Variants in EBF4 observed in about 807,000 individuals in gnomAD.
EBF4 encodes the protein transcription factor COE4.
In EBF4, 34 loss-of-function variants were observed where a neutral mutation model predicts 67.1. The ratio of observed to expected loss-of-function variants is 0.51; its 90% CI spans 0.39 to 0.67. The LOEUF (loss-of-function observed/expected upper bound fraction) is 0.67, where lower values mean the gene tolerates loss of function less well. EBF4 is among the 30% of genes least tolerant of loss of function. The pLI, the probability that EBF4 is intolerant of heterozygous loss-of-function variation, is 0.00. For missense variants in EBF4, 837 were observed against 873.3 expected (o/e 0.96, Z 0.52); for synonymous variants, 387 against 377.7 (o/e 1.02, Z -0.29).
rs915224155 is a variant in EBF4, at chr20:2,708,133, C to T, written c.488+113C>T. On this transcript the variant is annotated intron_variant, in intron 5 of 16. Coordinates refer to ENST00000609451, the Ensembl canonical transcript of EBF4. ...CCCCTGGCTGCTCTCTGCTGCTGCT[C>T]CCTGGAGAAGCCTGGTGGCAGGTGA... 1.2e-5 allele frequency: 13 copies of T among 1,112,004 alleles called. No homozygotes were observed. In the Admixed American group the frequency reaches 1.5e-4, roughly 13 times the overall value. The allele number at this position is 1,112,004 out of a possible 1,614,324, so 68.9% of individuals were successfully genotyped here. A position where few individuals can be genotyped will look rare whatever the true frequency, so the allele number is the denominator to read the frequency against.
At chr20:2,748,168 A>G (rs1029053596) in intron 6 of EBF4, among the ~76,000 whole-genome samples, 2 of 152,172 alleles carry the variant, frequency 1.3e-5, no homozygotes, top group African/African-American at 4.8e-5. Context: ...CGGAGCATAT[A>G]TTGTATGTGT....
chr20:2,752,977 T>A (rs2088180978), intron 14 of EBF4, among the ~76,000 whole-genome samples: 1 of 152,132 alleles, frequency 6.6e-6, no homozygotes, highest in Admixed American at 6.5e-5. Context: ...GAAGCCGGCT[T>A]CCAGCCGCCC....
intron 1 of EBF4, among the ~76,000 whole-genome samples, chr20:2,699,661 G>A (rs935843573): frequency 6.6e-6 from 1 of 152,230 alleles, no homozygotes; most frequent in African/African-American, 2.4e-5. Context: ...AGTGGTTAAT[G>A]TGGCTGATTT....
At chr20:2,711,204 G>A (rs2087540936) in intron 6 of EBF4, among the ~76,000 whole-genome samples, 1 of 150,662 alleles carries the variant, frequency 6.6e-6, no homozygotes, top group South Asian at 2.1e-4. Context: ...TTAAAATGGT[G>A]GCAGGAAGCA....
intron 16 of EBF4, 26 bp from the exon 17 acceptor site, chr20:2,759,242 C>T: frequency 1.8e-6 from 1 of 540,564 alleles, no homozygotes; most frequent in Non-Finnish European, 3.3e-6. Context: ...CCCCGACCTT[C>T]TTCTCTCCCT....
chr20:2,697,475 G>A (rs2087311019), intron 1 of EBF4, among the ~76,000 whole-genome samples: 1 of 151,898 alleles, frequency 6.6e-6, no homozygotes, highest in Non-Finnish European at 1.5e-5. Context: ...AACCCGGGAG[G>A]CGGAGCTTGC....
intron 14 of EBF4, among the ~76,000 whole-genome samples, 158 bp downstream of exon 14, chr20:2,752,703 C>G (rs539259089): frequency 1.3e-5 from 2 of 152,210 alleles, no homozygotes; most frequent in Non-Finnish European, 2.9e-5. Context: ...CGCCTGGGAC[C>G]TCCCCTGCCG....
rs766269461 is a variant in EBF4 at position 2,751,797 on chromosome 20, A to AGGGGG, written c.1107+13_1107+14insGGGGG. The AGGGGG allele has an allele frequency of 1.8e-6, 1 of 553,386 alleles. No individual in the cohort carries two copies. The highest frequency in any genetic ancestry group is 2.1e-5 in the African/African-American group (1 of 46,712). The allele number at this position is 553,386 out of a possible 1,614,324, so 34.3% of individuals were successfully genotyped here. A position where few individuals can be genotyped will look rare whatever the true frequency, so the allele number is the denominator to read the frequency against. On this transcript the variant is annotated intron_variant, in intron 11 of 16. Coordinates refer to ENST00000609451, the Ensembl canonical transcript of EBF4. The surrounding 1 kb of genome is among the most constrained non-coding windows in gnomAD (Gnocchi z 5.2). The stretch of plus-strand genomic sequence containing the variant: ...CCGAGAGGCTGCCCAAGGTACTCAG[A>AGGGGG]GGGGCGGGGCGGGGCGGGGCTGAGG...
At chr20:2,752,689 T>G in intron 14 of EBF4, 144 bp downstream of exon 14, 1 of 699,778 alleles carries the variant, frequency 1.4e-6, no homozygotes, top group Non-Finnish European at 2.0e-6. Flanking sequence ...AGGCCCACCG[T>G]CCCCGCCTGG....
At chr20:2,744,205 C>A (rs545468579) in intron 6 of EBF4, among the ~76,000 whole-genome samples, 2 of 151,636 alleles carry the variant, frequency 1.3e-5, no homozygotes, top group African/African-American at 2.4e-5. Context: ...CTCAGCCTCC[C>A]GAGTAGCTGG....
In EBF4 at chr20:2,756,788, T is replaced by C. The variant is rs532673000; in HGVS notation, c.1738+964T>C. 3.6e-3 allele frequency among the ~76,000 whole-genome samples: 544 copies of C among 152,222 alleles called. 4 individuals are homozygous for C. The highest frequency in any genetic ancestry group is 0.012 in the African/African-American group (505 of 41,538). On this transcript the variant is annotated intron_variant, in intron 15 of 16. Transcript: ENST00000609451. The surrounding 1 kb of genome is among the most constrained non-coding windows in gnomAD (Gnocchi z 4.5). Reference sequence around the variant, plus strand: ...GAGTATTCCCCAAGACAATAATGGGTCAGAGCAACAGAGCATTAGGAAAGA... The same window carrying C: ...GAGTATTCCCCAAGACAATAATGGGCCAGAGCAACAGAGCATTAGGAAAGA...
chr20:2,712,284 C>A (rs1261993940), intron 6 of EBF4, among the ~76,000 whole-genome samples: 1 of 152,060 alleles, frequency 6.6e-6, no homozygotes, highest in Non-Finnish European at 1.5e-5. Context: ...GTACAATAGC[C>A]CAGGTGAAGG....
chr20:2,752,122 G>T, exon 13 of EBF4: 1 of 1,471,222 alleles, frequency 6.8e-7, no homozygotes, highest in Non-Finnish European at 8.9e-7. Context: ...CGTGGCCGAG[G>T]CTCTGTACAG....
At chr20:2,700,166 G>A (rs12480094) in intron 1 of EBF4, among the ~76,000 whole-genome samples, 26,938 of 152,046 alleles carry the variant, frequency 0.18, 2,798 homozygotes, top group East Asian at 0.36. Flanking sequence ...AGAGTTCCCC[G>A]TGGGATGGAG....
intron 6 of EBF4, among the ~76,000 whole-genome samples, chr20:2,741,249 C>T (rs1380051084): frequency 6.6e-6 from 1 of 151,982 alleles, no homozygotes; most frequent in African/African-American, 2.4e-5. Context: ...GAGGTCAAGG[C>T]TGCAGTGAGC....
rs2087481081 is a variant in EBF4 at position 2,707,904 on chromosome 20, G to T, written c.415-43G>T. On this transcript the variant is annotated intron_variant, in intron 4 of 16. Coordinates refer to ENST00000609451, the Ensembl canonical transcript of EBF4. The surrounding 1 kb of genome is among the most constrained non-coding windows in gnomAD (Gnocchi z 4.6). ...TCTGTGCTGCCACCTGCACCTCAGA[G>T]GAGCCTCCTTCCCCTCCAGCCTGTG... The T allele has an allele frequency of 6.5e-7, 1 of 1,537,058 alleles. No homozygotes were observed. Among genetic ancestry groups the T allele is most frequent in the Non-Finnish European group, 8.8e-7 (1 of 1,135,838 alleles).
chr20:2,723,411 C>T (rs6051335), intron 6 of EBF4, among the ~76,000 whole-genome samples: 16,922 of 151,984 alleles, frequency 0.11, 1,214 homozygotes, highest in East Asian at 0.29. Flanking sequence ...AGTGCAGTGG[C>T]GCAATCTCGG....
chr20:2,703,431 G>A (rs1199652022), intron 1 of EBF4, among the ~76,000 whole-genome samples: 1 of 151,848 alleles, frequency 6.6e-6, no homozygotes, highest in Non-Finnish European at 1.5e-5. Flanking sequence ...GCAAAACCCT[G>A]TCTCAAAAAA....
In EBF4 at chr20:2,693,841, T is replaced by G; in HGVS notation, c.137+59T>G. ...TTGGACGGCTGCGCGCCGCCTCAGC[T>G]CAGCTTGCTGGAGCTGCTGGAGCCA... On this transcript the variant is annotated intron_variant, in intron 1 of 16. Transcript: ENST00000609451. The surrounding 1 kb of genome is among the most constrained non-coding windows in gnomAD (Gnocchi z 4.6). The G allele has an allele frequency of 8.0e-7, 1 of 1,255,570 alleles. No homozygotes were observed. The highest frequency in any genetic ancestry group is 1.0e-6 in the Non-Finnish European group (1 of 999,660). 77.8% of individuals were successfully genotyped at this position (1,255,570 alleles called of 1,614,324 possible).
Sources: gnomAD v4.1 joint callset for allele counts (sites outside exome capture counted in the v4.1 genomes callset) on GRCh38, gnomAD v4.1.1 for gene constraint, Gnocchi (gnomAD v3.1) non-coding constraint, MANE v1.5 for transcripts, NCBI Gene and HGNC (gene_info 2026-07-23, HGNC 2026-07-21) for gene names.